The following NTN1 variants were observed in gnomAD, a reference collection of about 807,000 sequenced individuals.
The protein encoded by NTN1 is netrin-1.
A neutral mutation model predicts 54.2 loss-of-function variants in NTN1; 11 were observed. The observed-to-expected ratio is 0.20, with a 90% CI of 0.13 to 0.34. The LOEUF is 0.34. Among genes scored for constraint, NTN1 ranks in the 10% least tolerant of loss-of-function variants. The probability of loss-of-function intolerance (pLI) is 1.00; values close to 1 mark genes in which losing one functional copy is unlikely to be tolerated. For synonymous variants in NTN1, 371 were observed against 382.0 expected, an observed-to-expected ratio of 0.97 and a Z score of 0.33; for missense variants, 740 against 893.1, an observed-to-expected ratio of 0.83 and a Z score of 2.18.
At chr17:9,030,558 A>C (rs2091885520) in intron 2 of NTN1, among the ~76,000 whole-genome samples, 1 of 152,170 alleles carries the variant, frequency 6.6e-6, no homozygotes, top group Admixed American at 6.5e-5. Context: ...CAGTCTGGCC[A>C]ACACAGTGAA....
At chr17:9,185,316 G>A (rs955756008) in intron 5 of NTN1, among the ~76,000 whole-genome samples, 3 of 151,922 alleles carry the variant, frequency 2.0e-5, no homozygotes, top group African/African-American at 4.8e-5. Flanking sequence ...AGCGGGGCCC[G>A]GGAGCTCAGC....
Position 9,193,938 on chromosome 17 carries a change from A to AAAAAAAAAAAAAAAAAAAAAAC in NTN1, c.1411+10975_1411+10976insAAAAAAAAAAAAAAACAAAAAA, listed in dbSNP as rs796452392. ...CTCCGACTAAAAAAAAAAAAAAAAA[A>AAAAAAAAAAAAAAAAAAAAAAC]AAAAAACATTATGCAGGTTGGGCGC... On this transcript the variant is annotated intron_variant, in intron 5 of 6. Coordinates refer to ENST00000173229, the MANE Select transcript of NTN1 (RefSeq NM_004822.3). Among the ~76,000 whole-genome samples the AAAAAAAAAAAAAAAAAAAAAAC allele has an allele frequency of 4.9e-4, 53 of 108,376 alleles. 3 individuals carry two copies. The highest frequency in any genetic ancestry group is 7.8e-4 in the Non-Finnish European group (41 of 52,350). The allele number at this position is 108,376 out of a possible 152,430, so 71.1% of individuals were successfully genotyped here. A position where few individuals can be genotyped will look rare whatever the true frequency, so the allele number is the denominator to read the frequency against.
chr17:9,228,851 T>TGTGTGTGTGTGA (rs1351179994), intron 6 of NTN1, among the ~76,000 whole-genome samples: 5 of 104,798 alleles, frequency 4.8e-5, no homozygotes, highest in African/African-American at 1.7e-4. Flanking sequence ...TGTGTGTGTG[T>TGTGTGTGTGTGA]GACTGTGTAT....
At chr17:9,138,601 A>G (rs1203503146) in intron 2 of NTN1, among the ~76,000 whole-genome samples, 1 of 152,208 alleles carries the variant, frequency 6.6e-6, no homozygotes, top group Non-Finnish European at 1.5e-5. Context: ...CTCCTTGTCC[A>G]TCAATCCGTC....
intron 6 of NTN1, among the ~76,000 whole-genome samples, chr17:9,232,866 A>G (rs1905861217): frequency 6.6e-6 from 1 of 152,136 alleles, no homozygotes; most frequent in African/African-American, 2.4e-5. Context: ...GGGCCTGGGA[A>G]GCATGTGCTC....
At chr17:9,104,574 G>T (rs1352185501) in intron 2 of NTN1, among the ~76,000 whole-genome samples, 1 of 152,192 alleles carries the variant, frequency 6.6e-6, no homozygotes, top group Non-Finnish European at 1.5e-5. Context: ...GCGTGACCTT[G>T]GAGGTAGCAA....
the NTN1 span, among the ~76,000 whole-genome samples, chr17:9,012,543 A>AC: frequency 6.6e-6 from 1 of 151,396 alleles, no homozygotes; most frequent in African/African-American, 2.4e-5. Context: ...AAACAAAAAA[A>AC]AAAAAACAAG....
chr17:9,187,232 G>A (rs903162619), intron 5 of NTN1, among the ~76,000 whole-genome samples: 16 of 152,254 alleles, frequency 1.1e-4, no homozygotes, highest in East Asian at 1.9e-4. Context: ...GAGGACAGGC[G>A]TGGAGAGTCA....
intron 2 of NTN1, among the ~76,000 whole-genome samples, chr17:9,136,228 T>C (rs1383033872): frequency 6.6e-6 from 1 of 152,218 alleles, no homozygotes; most frequent in Non-Finnish European, 1.5e-5. Context: ...GAGCCTAGCT[T>C]TACTTTATTC....
chr17:9,205,791 A>ACT (rs1474988919), intron 5 of NTN1, among the ~76,000 whole-genome samples: 1 of 152,222 alleles, frequency 6.6e-6, no homozygotes, highest in African/African-American at 2.4e-5. Context: ...CCGGCCAGTG[A>ACT]CTTTGGATGC....
At chr17:9,234,253 TC>T (rs1202726042) in intron 6 of NTN1, among the ~76,000 whole-genome samples, 1 of 152,164 alleles carries the variant, frequency 6.6e-6, no homozygotes, top group East Asian at 1.9e-4. Context: ...TGAAAGACCT[TC>T]CTGTGAACCC....
At chr17:9,130,882 TTC>T (rs1216172424) in intron 2 of NTN1, among the ~76,000 whole-genome samples, 2 of 152,344 alleles carry the variant, frequency 1.3e-5, no homozygotes, top group African/African-American at 2.4e-5. Context: ...TCTCTCTTGA[TTC>T]TCTGAGTCTC....
chr17:9,194,706 A>G (rs1287780284), intron 5 of NTN1, among the ~76,000 whole-genome samples: 1 of 152,010 alleles, frequency 6.6e-6, no homozygotes, highest in Non-Finnish European at 1.5e-5. Flanking sequence ...ACTGGATCAG[A>G]CCCAGATTTT....
chr17:9,073,456 G>A (rs931052143), intron 2 of NTN1, among the ~76,000 whole-genome samples: 1 of 152,208 alleles, frequency 6.6e-6, no homozygotes, highest in Non-Finnish European at 1.5e-5. Context: ...AGCCTGGGAT[G>A]GAAATCCGTC....
In NTN1 at chr17:9,221,439, G is replaced by A. The variant is rs1462210522; in HGVS notation, c.1486+197G>A. ...TGGCCCTCAGAGACGGGGGCATGAG[G>A]AGCCCAGTGGCCTGGTTTCTCCCCT... On this transcript the variant is annotated intron_variant, in intron 6 of 6. Coordinates refer to ENST00000173229, the MANE Select transcript of NTN1 (RefSeq NM_004822.3). The surrounding 1 kb of genome is among the most constrained non-coding windows in gnomAD (Gnocchi z 4.5). Among the ~76,000 whole-genome samples, 2 of 152,216 alleles carry A rather than the reference G, an allele frequency of 1.3e-5. No individual in the cohort carries two copies. The highest frequency in any genetic ancestry group is 1.3e-4 in the Admixed American group (2 of 15,286).
chr17:9,093,397 C>G (rs2092119889), intron 2 of NTN1, among the ~76,000 whole-genome samples: 1 of 152,176 alleles, frequency 6.6e-6, no homozygotes, highest in Non-Finnish European at 1.5e-5. Flanking sequence ...AGGTCTCACT[C>G]TGTTGCCCAG....
chr17:9,108,738 G>A (rs1053172500), intron 2 of NTN1, among the ~76,000 whole-genome samples: 1 of 152,104 alleles, frequency 6.6e-6, no homozygotes, highest in African/African-American at 2.4e-5. Flanking sequence ...TCCCAAGGCT[G>A]GCTGGTGGTC....
At chr17:9,090,162 C>T (rs1004921436) in intron 2 of NTN1, among the ~76,000 whole-genome samples, 1 of 151,264 alleles carries the variant, frequency 6.6e-6, no homozygotes, top group Non-Finnish European at 1.5e-5. Flanking sequence ...CTACCAAACT[C>T]ATCTTTTTTT....
In NTN1 at chr17:9,184,915, T is replaced by C. The variant is rs888411843; in HGVS notation, c.1411+1946T>C. Among the ~76,000 whole-genome samples the C allele has an allele frequency of 1.2e-4, 18 of 152,382 alleles. No individual in the cohort carries two copies. The East Asian group carries it at 2.3e-3, about 20-fold the overall frequency. On this transcript the variant is annotated intron_variant, in intron 5 of 6. Coordinates refer to ENST00000173229, the MANE Select transcript of NTN1 (RefSeq NM_004822.3). ...GCTTATAAACACTGGCAGCCTCCTTTTTTGAAATGTCTTCTTTGAGTTGTT... is the reference window on the plus strand; with the variant it reads ...GCTTATAAACACTGGCAGCCTCCTTCTTTGAAATGTCTTCTTTGAGTTGTT...
Sources: gnomAD v4.1 joint callset for allele counts (sites outside exome capture counted in the v4.1 genomes callset) on GRCh38, gnomAD v4.1.1 for gene constraint, Gnocchi (gnomAD v3.1) non-coding constraint, MANE v1.5 for transcripts, NCBI Gene and HGNC (gene_info 2026-07-23, HGNC 2026-07-21) for gene names.